KCNMA1: variants seen among roughly 807,000 people sequenced by gnomAD.
KCNMA1 encodes the protein Calcium-activated potassium channel subunit alpha-1.
Under a neutral mutation model 140.0 loss-of-function variants are expected in KCNMA1, and 29 were observed. The ratio of observed to expected loss-of-function variants is 0.21; its 90% confidence interval spans 0.15 to 0.28. KCNMA1 has a LOEUF of 0.28. KCNMA1 is among the 10% of genes least tolerant of loss of function. KCNMA1 has a pLI of 1.00. For synonymous variants in KCNMA1, 612 were observed against 611.9 expected (o/e 1.00, Z 0.00); for missense variants, 880 against 1,602.2 (o/e 0.55, Z 7.70).
At chr10:77,474,783 G>A (rs2098242226) in intron 1 of KCNMA1, among the ~76,000 whole-genome samples, 1 of 152,212 alleles carries the variant, frequency 6.6e-6, no homozygotes, top group Admixed American at 6.5e-5. Context: ...GCCTGGCCGG[G>A]AGAGCTGGTG....
At chr10:76,938,400 T>C (rs773174980) in intron 23 of KCNMA1, among the ~76,000 whole-genome samples, 26 of 152,210 alleles carry the variant, frequency 1.7e-4, no homozygotes, top group Non-Finnish European at 3.5e-4. Flanking sequence ...CTGTTTTGCA[T>C]GTACAGTGAC....
chr10:77,491,998 G>A (rs1044707865), intron 1 of KCNMA1, among the ~76,000 whole-genome samples: 2 of 152,236 alleles, frequency 1.3e-5, no homozygotes, highest in South Asian at 2.1e-4. Flanking sequence ...GGGAATGGGC[G>A]AGCATCTTGT....
chr10:76,896,260 G>A (rs546602091), intron 25 of KCNMA1, among the ~76,000 whole-genome samples: 4 of 152,206 alleles, frequency 2.6e-5, no homozygotes. Context: ...ATTCCTTACT[G>A]GGGAAAGAAT....
intron 5 of KCNMA1, among the ~76,000 whole-genome samples, chr10:77,166,455 A>G (rs181181763): frequency 6.6e-6 from 1 of 152,200 alleles, no homozygotes; most frequent in Admixed American, 6.5e-5. Context: ...TTCCTCCAAA[A>G]CACCAGAGGT....
rs368765573 is a variant in KCNMA1, at chr10:77,039,519, G to T, written c.1859+9C>A. 4.7e-6 allele frequency: 7 copies of T among 1,497,758 alleles called. No individual in the cohort carries two copies. The African/African-American group carries it at 5.5e-5, about 12-fold the overall frequency. The allele number at this position is 1,497,758 out of a possible 1,614,324, so 92.8% of individuals were successfully genotyped here. A position where few individuals can be genotyped will look rare whatever the true frequency, so the allele number is the denominator to read the frequency against. On this transcript the variant is annotated intron_variant, in intron 15 of 27. Transcript: ENST00000286628. ...AAAGCCAAAGAGCATCCAGTTAAAG[G>T]TCACTTACTCACAAACAGTAGGGAA...
At chr10:77,136,201 A>T (rs151307229) in intron 5 of KCNMA1, among the ~76,000 whole-genome samples, 6 of 152,354 alleles carry the variant, frequency 3.9e-5, no homozygotes, top group Non-Finnish European at 7.4e-5. Flanking sequence ...AGAAACAAAG[A>T]TGCTCATTGC....
chr10:77,123,134 C>T (rs1465397498), intron 5 of KCNMA1, among the ~76,000 whole-genome samples: 2 of 129,168 alleles, frequency 1.5e-5, no homozygotes, highest in East Asian at 2.7e-4. Flanking sequence ...AAGCCGAGAT[C>T]GCGCCACTGC....
intron 3 of KCNMA1, among the ~76,000 whole-genome samples, chr10:77,233,556 CG>C (rs930555526): frequency 4.6e-5 from 7 of 152,316 alleles, no homozygotes; most frequent in African/African-American, 1.7e-4. Context: ...AACTGTTTAT[CG>C]TGAATGCAGA....
chr10:77,145,118 C>T (rs2098264313), intron 5 of KCNMA1, among the ~76,000 whole-genome samples: 1 of 152,126 alleles, frequency 6.6e-6, no homozygotes, highest in South Asian at 2.1e-4. Flanking sequence ...CCACCTATCT[C>T]CATGGGGCAC....
At chr10:77,003,749 A>G (rs992270317) in intron 18 of KCNMA1, among the ~76,000 whole-genome samples, 2 of 152,204 alleles carry the variant, frequency 1.3e-5, no homozygotes, top group Non-Finnish European at 2.9e-5. Flanking sequence ...CAATAATAGA[A>G]TCTGACACAT....
At chr10:77,549,614 G>C (rs555143565) in intron 1 of KCNMA1, among the ~76,000 whole-genome samples, 1 of 152,336 alleles carries the variant, frequency 6.6e-6, no homozygotes, top group South Asian at 2.1e-4. Context: ...GGGTCTGTGA[G>C]CTAAGATGAG....
chr10:77,250,428 C>T (rs1459179253), intron 3 of KCNMA1: 1 of 152,334 alleles, frequency 6.6e-6, no homozygotes, highest in South Asian at 2.1e-4. Flanking sequence ...AAATTATTTC[C>T]TCAGGGTTGG....
At chr10:77,395,501 AT>A (rs145033916) in intron 2 of KCNMA1, among the ~76,000 whole-genome samples, 51 of 152,358 alleles carry the variant, frequency 3.3e-4, no homozygotes, top group African/African-American at 1.2e-3. Context: ...GCCCACAGGT[AT>A]TACATGGGGA....
intron 2 of KCNMA1, among the ~76,000 whole-genome samples, chr10:77,354,823 C>A (rs1268053386): frequency 6.6e-6 from 1 of 152,190 alleles, no homozygotes; most frequent in East Asian, 1.9e-4. Flanking sequence ...ATAGACTGAG[C>A]ATCAAAGATT....
At chr10:77,312,938 T>C (rs887938545) in intron 2 of KCNMA1, among the ~76,000 whole-genome samples, 10 of 152,188 alleles carry the variant, frequency 6.6e-5, no homozygotes, top group Admixed American at 5.2e-4. Context: ...TAAACAATCA[T>C]GGACAAATTA....
chr10:77,214,751 C>G (rs1284962308), intron 3 of KCNMA1, among the ~76,000 whole-genome samples: 1 of 152,172 alleles, frequency 6.6e-6, no homozygotes, highest in African/African-American at 2.4e-5. Context: ...TGGCCACTCC[C>G]TCTGCCTGAA....
At chr10:77,387,550 C>CT (rs771555989) in intron 2 of KCNMA1, among the ~76,000 whole-genome samples, 13,989 of 134,448 alleles carry the variant, frequency 0.1, 1,067 homozygotes, top group African/African-American at 0.21. Context: ...CTTTTCTTTT[C>CT]TTTTCTTTTT....
intron 14 of KCNMA1, among the ~76,000 whole-genome samples, chr10:77,049,922 C>T (rs540603296): frequency 9.2e-5 from 14 of 152,324 alleles, no homozygotes; most frequent in African/African-American, 3.4e-4. Context: ...TAGCAACTGA[C>T]TTACGGTTTT....
At chr10:77,321,803 C>T (rs183207710) in intron 2 of KCNMA1, among the ~76,000 whole-genome samples, 1 of 152,142 alleles carries the variant, frequency 6.6e-6, no homozygotes, top group Admixed American at 6.6e-5. Context: ...ATCATTACTG[C>T]AGCTTGAAAG....
Sources: allele counts gnomAD v4.1 joint callset (sites outside exome capture counted in the v4.1 genomes callset), GRCh38; gene constraint gnomAD v4.1.1; transcripts MANE v1.5; gene names NCBI Gene and HGNC (gene_info 2026-07-23, HGNC 2026-07-21).